The following ANO2 variants were observed in gnomAD, a reference collection of about 807,000 sequenced individuals.
The protein encoded by ANO2 is anoctamin 2.
In ANO2, 101 loss-of-function variants were observed where a neutral mutation model predicts 124.2. That is an observed-to-expected ratio of 0.81 (90% confidence interval 0.69 to 0.96). ANO2 has a LOEUF of 0.96. Ranked by LOEUF, ANO2 falls within the 40% of genes least tolerant of loss-of-function variation. The pLI, the probability that ANO2 is intolerant of heterozygous loss-of-function variation, is 0.00. For synonymous variants in ANO2, 486 were observed against 482.5 expected (o/e 1.01, Z -0.09); for missense variants, 1,293 against 1,274.5 (o/e 1.01, Z -0.22).
chr12:5,865,609 CCACACCATCATGCCAT>C (rs1420337773), intron 3 of ANO2, among the ~76,000 whole-genome samples: 2 of 148,672 alleles, frequency 1.3e-5, no homozygotes, highest in African/African-American at 2.5e-5. Context: ...CATCATGCCA[CCACACCATCATGCCAT>C]CACACCATCA....
intron 3 of ANO2, among the ~76,000 whole-genome samples, chr12:5,918,438 CTTTTTTTTTT>C (rs59787191): frequency 3.0e-4 from 36 of 118,952 alleles, no homozygotes; most frequent in Admixed American, 2.9e-3. Flanking sequence ...TAACTTGAAT[CTTTTTTTTTT>C]TTTTTTTTTG....
chr12:5,768,511 C>T (rs1309609571), intron 10 of ANO2, among the ~76,000 whole-genome samples: 2 of 152,196 alleles, frequency 1.3e-5, no homozygotes, highest in Non-Finnish European at 2.9e-5. Context: ...TAAACAATGC[C>T]ACTAGTCAGT....
chr12:5,820,668 T>C (rs1250464306), intron 7 of ANO2, among the ~76,000 whole-genome samples: 1 of 152,178 alleles, frequency 6.6e-6, no homozygotes. Context: ...CTGGAGGGTG[T>C]GCAGAGATTA....
At chr12:5,631,307 G>C (rs1404069314) in intron 16 of ANO2, among the ~76,000 whole-genome samples, 1 of 152,128 alleles carries the variant, frequency 6.6e-6, no homozygotes, top group African/African-American at 2.4e-5. Flanking sequence ...TCTCCTTCTA[G>C]ATCTTTTTGT....
intron 9 of ANO2, among the ~76,000 whole-genome samples, chr12:5,800,708 G>C (rs1027053791): frequency 1.5e-4 from 23 of 152,198 alleles, no homozygotes; most frequent in African/African-American, 5.3e-4. Flanking sequence ...GTTAGTGGGG[G>C]TGAAATTAAG....
intron 3 of ANO2, among the ~76,000 whole-genome samples, chr12:5,895,288 G>A (rs1939700768): frequency 6.6e-6 from 1 of 152,088 alleles, no homozygotes; most frequent in Admixed American, 6.6e-5. Context: ...TTGGCTCTCT[G>A]TTTGTCTATT....
chr12:5,570,744 G>C (rs984454863), intron 23 of ANO2, among the ~76,000 whole-genome samples: 1 of 152,160 alleles, frequency 6.6e-6, no homozygotes, highest in African/African-American at 2.4e-5. Context: ...ACTCCAAATA[G>C]TGGCATGTAA....
chr12:5,608,811 G>A (rs1262186312), intron 19 of ANO2: 2 of 152,264 alleles, frequency 1.3e-5, no homozygotes, highest in Admixed American at 1.3e-4. Context: ...ATGCCAACGT[G>A]TTGTCCAAAC....
At chr12:5,895,926 T>C (rs757146454) in intron 3 of ANO2, among the ~76,000 whole-genome samples, 17 of 152,274 alleles carry the variant, frequency 1.1e-4, no homozygotes, top group East Asian at 1.9e-4. Flanking sequence ...AAATGTGGCA[T>C]ATATACCATG....
At chr12:5,729,700 A>AG (rs397828992) in intron 14 of ANO2, among the ~76,000 whole-genome samples, 1 of 151,832 alleles carries the variant, frequency 6.6e-6, no homozygotes, top group East Asian at 1.9e-4. Flanking sequence ...AAAAAAAAAA[A>AG]CTTGTACCCA....
At chr12:5,940,704 T>C (rs1942860542) in intron 1 of ANO2, among the ~76,000 whole-genome samples, 1 of 152,122 alleles carries the variant, frequency 6.6e-6, no homozygotes, top group Admixed American at 6.6e-5. Context: ...CTTTGGAAAA[T>C]AGTCTGACAA....
At chr12:5,805,921 G>C in intron 9 of ANO2, 131 bp downstream of exon 9, 2 of 846,258 alleles carry the variant, frequency 2.4e-6, no homozygotes, top group Non-Finnish European at 3.6e-6. Flanking sequence ...GGGGGAAAGG[G>C]GGGAGCTGGT....
chr12:5,945,290 C>T (rs1032292397), upstream of ANO2: 2 of 1,230,214 alleles, frequency 1.6e-6, no homozygotes, highest in African/African-American at 3.2e-5. Flanking sequence ...GGGGCTAATT[C>T]CATCGCGGCT....
chr12:5,618,831 T>G (rs577788067), intron 16 of ANO2, among the ~76,000 whole-genome samples: 5 of 152,332 alleles, frequency 3.3e-5, no homozygotes, highest in African/African-American at 1.2e-4. Flanking sequence ...GAGAGGCTTT[T>G]GCTCACTGCC....
At chr12:5,852,890 T>TGTGTGTGTGG (rs761045279) in intron 4 of ANO2, among the ~76,000 whole-genome samples, 1 of 134,588 alleles carries the variant, frequency 7.4e-6, no homozygotes, top group Non-Finnish European at 1.6e-5. Flanking sequence ...TGTGTGTGTG[T>TGTGTGTGTGG]GGTGTATATG....
At chr12:5,903,132 C>T (rs78145375) in intron 3 of ANO2, among the ~76,000 whole-genome samples, 16 of 151,676 alleles carry the variant, frequency 1.1e-4, no homozygotes, top group South Asian at 2.1e-4. Context: ...CGGACAATTG[C>T]GCAGTGTTGA....
chr12:5,619,976 A>G (rs1945028291), intron 16 of ANO2, among the ~76,000 whole-genome samples: 2 of 152,254 alleles, frequency 1.3e-5, no homozygotes, highest in South Asian at 4.1e-4. Flanking sequence ...CCCAGAGGTC[A>G]CTGAGGGTGG....
chr12:5,643,699 A>C (rs1946498425), intron 15 of ANO2, among the ~76,000 whole-genome samples: 1 of 152,178 alleles, frequency 6.6e-6, no homozygotes, highest in African/African-American at 2.4e-5. Context: ...CTTTTGATCT[A>C]TATCTTTTCC....
rs116277187 is a variant in ANO2 at position 5,742,647 on chromosome 12, G to A, written c.1351+1510C>T. Among the ~76,000 whole-genome samples the A allele has an allele frequency of 3.0e-3, 461 of 152,326 alleles. 2 individuals carry two copies. The highest frequency in any genetic ancestry group is 0.011 in the African/African-American group (438 of 41,572). On this transcript the variant is annotated intron_variant, in intron 12 of 24. Coordinates refer to ENST00000682330, the MANE Select transcript of ANO2 (RefSeq NM_001364791.2). ...ATGTGTCCCAAGAAAGTTCTTGAAGGATTATAGACCTGGAGTTATTAGGCT... is the reference window on the plus strand; with the variant it reads ...ATGTGTCCCAAGAAAGTTCTTGAAGAATTATAGACCTGGAGTTATTAGGCT...
Sources: gnomAD v4.1 joint callset for allele counts (sites outside exome capture counted in the v4.1 genomes callset) on GRCh38, gnomAD v4.1.1 for gene constraint, MANE v1.5 for transcripts, NCBI Gene and HGNC (gene_info 2026-07-23, HGNC 2026-07-21) for gene names.